SCAMP1: variants seen among roughly 807,000 people sequenced by gnomAD.
SCAMP1 encodes the protein secretory carrier membrane protein 1.
In SCAMP1, 15 loss-of-function variants were observed where a neutral mutation model predicts 41.8. The observed-to-expected ratio is 0.36, with a 90% CI of 0.24 to 0.55. The LOEUF (loss-of-function observed/expected upper bound fraction) is 0.55. Ranked by LOEUF, SCAMP1 falls within the 20% of genes least tolerant of loss-of-function variation. SCAMP1 has a pLI of 0.86. For synonymous variants in SCAMP1, 135 were observed against 136.8 expected (o/e 0.99, Z 0.09); for missense variants, 341 against 412.6 (o/e 0.83, Z 1.50).
intron 1 of SCAMP1, among the ~76,000 whole-genome samples, chr5:78,362,577 C>G (rs1367234207): frequency 6.6e-6 from 1 of 152,152 alleles, no homozygotes; most frequent in Non-Finnish European, 1.5e-5. Context: ...AATGATTATT[C>G]AAGTTTGTAA....
At chr5:78,451,506 T>C (rs1189229536) in intron 7 of SCAMP1, among the ~76,000 whole-genome samples, 1 of 152,168 alleles carries the variant, frequency 6.6e-6, no homozygotes, top group Non-Finnish European at 1.5e-5. Flanking sequence ...CAATCACTAA[T>C]GTGTTCTTCA....
intron 2 of SCAMP1, among the ~76,000 whole-genome samples, chr5:78,391,088 A>G (rs7714641): frequency 0.038 from 4,856 of 127,976 alleles, 220 homozygotes; most frequent in African/African-American, 0.12. Context: ...CGATTTCTCA[A>G]TCTTTTCCCC....
intron 1 of SCAMP1, among the ~76,000 whole-genome samples, chr5:78,372,700 A>G (rs1222676582): frequency 6.6e-6 from 1 of 152,168 alleles, no homozygotes; most frequent in East Asian, 1.9e-4. Context: ...ATGATATATA[A>G]TAGCTTCTAA....
intron 6 of SCAMP1, among the ~76,000 whole-genome samples, chr5:78,439,849 C>T (rs1752872629): frequency 6.6e-6 from 1 of 152,164 alleles, no homozygotes; most frequent in African/African-American, 2.4e-5. Flanking sequence ...CTTTCAGGTA[C>T]ACCAATGAGA....
rs912413993 is a variant in SCAMP1, at chr5:78,477,488, C to G, written c.*1820C>G. The G allele has an allele frequency of 6.6e-6, 1 of 152,112 alleles. No individual in the cohort carries two copies. The highest frequency in any genetic ancestry group is 2.4e-5 in the African/African-American group (1 of 41,462). The allele number at this position is 152,112 out of a possible 1,614,324, so 9.4% of individuals were successfully genotyped here. On this transcript the variant is annotated 3_prime_UTR_variant, in exon 9 of 9. Transcript: ENST00000621999. ...ATTGAGTGTGGATTTTGCATACATT[C>G]AAAACATTAACCACAAAATACAGCA...
At chr5:78,395,515 C>T (rs1045499322) in intron 2 of SCAMP1, among the ~76,000 whole-genome samples, 3 of 152,204 alleles carry the variant, frequency 2.0e-5, no homozygotes, top group African/African-American at 7.2e-5. Context: ...TACAGCATTA[C>T]TTACTGGGTC....
intron 6 of SCAMP1, among the ~76,000 whole-genome samples, chr5:78,442,846 A>G (rs1752960372): frequency 6.6e-6 from 1 of 152,154 alleles, no homozygotes; most frequent in South Asian, 2.1e-4. Flanking sequence ...TTCCTTGATA[A>G]TTAAATTTCT....
intron 2 of SCAMP1, among the ~76,000 whole-genome samples, chr5:78,397,945 A>G (rs1751694317): frequency 6.6e-6 from 1 of 152,264 alleles, no homozygotes; most frequent in South Asian, 2.1e-4. Flanking sequence ...GAGTCAGGCA[A>G]TAGCGAGTAT....
intron 2 of SCAMP1, among the ~76,000 whole-genome samples, chr5:78,398,639 G>A (rs918634275): frequency 1.7e-4 from 24 of 142,148 alleles, no homozygotes; most frequent in African/African-American, 6.3e-4. Flanking sequence ...CACCTCCTGG[G>A]TTCAAGTGAT....
chr5:78,411,143 T>C (rs1752065818), intron 2 of SCAMP1, among the ~76,000 whole-genome samples: 1 of 152,228 alleles, frequency 6.6e-6, no homozygotes. Flanking sequence ...TTAGTTTAAT[T>C]AGATCTCATT....
chr5:78,455,796 C>A lies in SCAMP1; in HGVS notation c.735-3449C>A, dbSNP rs1165464924. On this transcript the variant is annotated intron_variant, in intron 7 of 8. Coordinates refer to ENST00000621999, the MANE Select transcript of SCAMP1 (RefSeq NM_004866.6). ...GTTGACAGTGGGGTGTTAAAGTCTC[C>A]CATTATTAATGTGTGGGAGTCTAAG... Among the ~76,000 whole-genome samples, 482 of 123,348 alleles carry A rather than the reference C, an allele frequency of 3.9e-3. 5 individuals carry two copies. The highest frequency in any genetic ancestry group is 0.015 in the African/African-American group (462 of 30,896). The allele number at this position is 123,348 out of a possible 152,430, so 80.9% of individuals were successfully genotyped here. A position where few individuals can be genotyped will look rare whatever the true frequency, so the allele number is the denominator to read the frequency against.
At chr5:78,365,523 C>A (rs1401357168) in intron 1 of SCAMP1, among the ~76,000 whole-genome samples, 2 of 145,022 alleles carry the variant, frequency 1.4e-5, no homozygotes, top group Non-Finnish European at 3.0e-5. Context: ...TCTCTATATG[C>A]TTAGCTATGA....
intron 8 of SCAMP1, among the ~76,000 whole-genome samples, chr5:78,473,118 A>C (rs866095788): frequency 1.2e-4 from 18 of 152,092 alleles, no homozygotes; most frequent in Non-Finnish European, 1.2e-4. Context: ...TTTTATACTT[A>C]ATGATAGTGC....
Position 78,386,076 on chromosome 5 carries a change from G to A in SCAMP1, c.58-2761G>A, listed in dbSNP as rs567833180. 9.9e-5 allele frequency among the ~76,000 whole-genome samples: 15 copies of A among 152,198 alleles called. No individual in the cohort carries two copies. The South Asian group carries it at 3.1e-3, about 32-fold the overall frequency. On this transcript the variant is annotated intron_variant, in intron 1 of 8. Transcript: ENST00000621999. ...TATTGAAGTCCCCCACTATTATTGTGTTGCTGTCTATCTCATTTCTTAGGT... is the reference window on the plus strand; with the variant it reads ...TATTGAAGTCCCCCACTATTATTGTATTGCTGTCTATCTCATTTCTTAGGT...
At chr5:78,391,214 T>C (rs1166597601) in intron 2 of SCAMP1, among the ~76,000 whole-genome samples, 9 of 151,496 alleles carry the variant, frequency 5.9e-5, no homozygotes, top group Non-Finnish European at 8.8e-5. Flanking sequence ...GCTCCTCACT[T>C]CCCAGTAGGG....
chr5:78,415,674 T>G, intron 3 of SCAMP1, 56 bp downstream of exon 3: 1 of 1,088,930 alleles, frequency 9.2e-7, no homozygotes, highest in Non-Finnish European at 1.4e-6. Flanking sequence ...TCAATAACAT[T>G]TGCTTTCAGA....
intron 1 of SCAMP1, among the ~76,000 whole-genome samples, chr5:78,368,156 C>T (rs1750845505): frequency 6.6e-6 from 1 of 152,142 alleles, no homozygotes; most frequent in Admixed American, 6.5e-5. Flanking sequence ...CCACATTTGT[C>T]ATTCTTTTTG....
chr5:78,391,766 A>G (rs1370772534), intron 2 of SCAMP1, among the ~76,000 whole-genome samples: 11 of 152,212 alleles, frequency 7.2e-5, no homozygotes, highest in Non-Finnish European at 1.5e-4. Flanking sequence ...GCACCTCAGA[A>G]GGCCGAGGCT....
chr5:78,430,438 C>G (rs2112165459), intron 6 of SCAMP1, among the ~76,000 whole-genome samples: 2 of 151,568 alleles, frequency 1.3e-5, no homozygotes, highest in Admixed American at 1.3e-4. Flanking sequence ...CTGATTCTTT[C>G]CATATTTTCT....
Sources: allele counts gnomAD v4.1 joint callset (sites outside exome capture counted in the v4.1 genomes callset), GRCh38; gene constraint gnomAD v4.1.1; transcripts MANE v1.5; gene names NCBI Gene and HGNC (gene_info 2026-07-23, HGNC 2026-07-21).